The following ERC2 variants were observed in gnomAD, a reference collection of about 807,000 sequenced individuals.
The protein encoded by ERC2 is ELKS/RAB6-interacting/CAST family member 2.
In ERC2, 42 loss-of-function variants were observed where a neutral mutation model predicts 114.8. The ratio of observed to expected loss-of-function variants is 0.37; its 90% confidence interval spans 0.29 to 0.47. The LOEUF (loss-of-function observed/expected upper bound fraction) is 0.47, where lower values mean the gene tolerates loss of function less well. Ranked by LOEUF, ERC2 falls within the 20% of genes least tolerant of loss-of-function variation. The pLI, the probability that ERC2 is intolerant of heterozygous loss-of-function variation, is 0.99. For missense variants in ERC2, 939 were observed against 1,150.7 expected, an observed-to-expected ratio of 0.82 and a Z score of 2.66; for synonymous variants, 454 against 425.5, an observed-to-expected ratio of 1.07 and a Z score of -0.82.
Position 56,080,800 on chromosome 3 carries a change from T to A in ERC2, c.1641+17A>T, listed in dbSNP as rs376930501. On this transcript the variant is annotated intron_variant, in intron 7 of 17. Transcript: ENST00000288221. Reference sequence around the variant, plus strand: ...ATGGATGATACCCCACTTGAAGGTCTTATGTCAGCTACTCACCTTTTTCTG... The same window carrying A: ...ATGGATGATACCCCACTTGAAGGTCATATGTCAGCTACTCACCTTTTTCTG... 6.2e-7 allele frequency: 1 copy of A among 1,611,274 alleles called. No individual in the cohort carries two copies. The highest frequency in any genetic ancestry group is 8.5e-7 in the Non-Finnish European group (1 of 1,179,016).
intron 2 of ERC2, among the ~76,000 whole-genome samples, chr3:56,353,061 G>T (rs1029877278): frequency 6.6e-6 from 1 of 152,172 alleles, no homozygotes; most frequent in African/African-American, 2.4e-5. Context: ...AAAGGCATGA[G>T]TCTAGGAGGC....
intron 6 of ERC2, 33 bp from the exon 7 acceptor site, chr3:56,081,017 T>C (rs778566838): frequency 6.2e-7 from 1 of 1,605,358 alleles, no homozygotes; most frequent in South Asian, 1.1e-5. Context: ...AGGTTGTGGT[T>C]TTACAGAAAG....
chr3:56,325,298 T>C (rs2057310199), intron 2 of ERC2, among the ~76,000 whole-genome samples: 1 of 151,902 alleles, frequency 6.6e-6, no homozygotes, highest in Non-Finnish European at 1.5e-5. Context: ...CAAAAAAATT[T>C]AGCTGGGTGT....
At chr3:55,881,011 C>T (rs1339286875) in intron 14 of ERC2, among the ~76,000 whole-genome samples, 1 of 152,120 alleles carries the variant, frequency 6.6e-6, no homozygotes, top group Non-Finnish European at 1.5e-5. Context: ...TTGAGTTTAT[C>T]AATTTTAAGT....
At chr3:55,779,466 A>G (rs2068868794) in intron 14 of ERC2, among the ~76,000 whole-genome samples, 1 of 151,620 alleles carries the variant, frequency 6.6e-6, no homozygotes, top group South Asian at 2.1e-4. Flanking sequence ...GCGCTACTGC[A>G]CTCCAGCCTG....
chr3:56,255,104 T>C (rs975000032), intron 3 of ERC2, among the ~76,000 whole-genome samples: 1 of 152,264 alleles, frequency 6.6e-6, no homozygotes, highest in Non-Finnish European at 1.5e-5. Flanking sequence ...GACTTAGAAG[T>C]AACACAGTTA....
chr3:56,090,865 G>A (rs868726513), intron 6 of ERC2, among the ~76,000 whole-genome samples: 2 of 151,654 alleles, frequency 1.3e-5, no homozygotes, highest in Admixed American at 1.3e-4. Context: ...CCTAAGTAGC[G>A]ATGAGAACCC....
chr3:56,124,422 G>A (rs769068914), intron 6 of ERC2, among the ~76,000 whole-genome samples: 3 of 152,190 alleles, frequency 2.0e-5, no homozygotes, highest in Non-Finnish European at 4.4e-5. Flanking sequence ...GGACTGGCAC[G>A]AAGCACCATG....
chr3:55,946,303 C>T (rs960842590), intron 13 of ERC2, among the ~76,000 whole-genome samples: 4 of 152,154 alleles, frequency 2.6e-5, no homozygotes, highest in African/African-American at 9.7e-5. Flanking sequence ...TCACATCCAC[C>T]TTTCACACAC....
intron 12 of ERC2, among the ~76,000 whole-genome samples, chr3:55,971,350 A>G (rs1174862982): frequency 6.6e-6 from 1 of 152,184 alleles, no homozygotes; most frequent in Non-Finnish European, 1.5e-5. Flanking sequence ...ATGCAAATAT[A>G]TCTTAATTAA....
At chr3:55,752,059 T>C (rs2066737311) in intron 14 of ERC2, among the ~76,000 whole-genome samples, 1 of 152,156 alleles carries the variant, frequency 6.6e-6, no homozygotes, top group African/African-American at 2.4e-5. Context: ...AGACCTACTG[T>C]TTACAGAATA....
At chr3:56,370,600 T>TTG (rs1553934941) in intron 2 of ERC2, among the ~76,000 whole-genome samples, 1 of 149,514 alleles carries the variant, frequency 6.7e-6, no homozygotes, top group Non-Finnish European at 1.5e-5. Flanking sequence ...TTTTTGTTTT[T>TTG]TTTTTTTTTT....
At chr3:56,342,304 C>A (rs918297973) in intron 2 of ERC2, among the ~76,000 whole-genome samples, 1 of 152,200 alleles carries the variant, frequency 6.6e-6, no homozygotes, top group Non-Finnish European at 1.5e-5. Context: ...ACTGTGATCA[C>A]AAAAACACGT....
At chr3:56,423,677 A>G (rs7628951) in intron 2 of ERC2, among the ~76,000 whole-genome samples, 74,181 of 152,092 alleles carry the variant, frequency 0.49, 18,614 homozygotes, top group Middle Eastern at 0.63. Flanking sequence ...ACAATCAAGC[A>G]CTGGCTTCAC....
intron 2 of ERC2, among the ~76,000 whole-genome samples, chr3:56,355,873 C>A (rs1576572445): frequency 6.6e-6 from 1 of 152,222 alleles, no homozygotes; most frequent in African/African-American, 2.4e-5. Flanking sequence ...GTTCTGTCTG[C>A]TCCAGCACCG....
At chr3:55,838,342 A>C (rs1192056127) in intron 14 of ERC2, among the ~76,000 whole-genome samples, 1 of 152,118 alleles carries the variant, frequency 6.6e-6, no homozygotes, top group Admixed American at 6.6e-5. Flanking sequence ...AAGAATAAAG[A>C]TTATAAAAAG....
intron 13 of ERC2, among the ~76,000 whole-genome samples, chr3:55,915,981 A>G (rs1431003486): frequency 6.6e-6 from 1 of 152,218 alleles, no homozygotes; most frequent in Non-Finnish European, 1.5e-5. Context: ...AAAATAGAAC[A>G]TGCATATTCA....
chr3:56,008,659 T>C (rs182166319), intron 9 of ERC2, among the ~76,000 whole-genome samples: 56 of 152,304 alleles, frequency 3.7e-4, no homozygotes, highest in African/African-American at 1.3e-3. Flanking sequence ...CAGTTATTAA[T>C]CTAGGAGTTG....
intron 1 of ERC2, among the ~76,000 whole-genome samples, chr3:56,442,091 T>C (rs947987144): frequency 6.6e-6 from 1 of 152,182 alleles, no homozygotes; most frequent in Non-Finnish European, 1.5e-5. Context: ...TCTCTTTCCT[T>C]CACAGCTTCT....
Sources: gnomAD v4.1 joint callset for allele counts (sites outside exome capture counted in the v4.1 genomes callset) on GRCh38, gnomAD v4.1.1 for gene constraint, MANE v1.5 for transcripts, NCBI Gene and HGNC (gene_info 2026-07-23, HGNC 2026-07-21) for gene names.